The following NTRK3 variants were observed in gnomAD, a reference collection of about 807,000 sequenced individuals.
The protein encoded by NTRK3 is neurotrophic receptor tyrosine kinase 3.
A neutral mutation model predicts 91.7 loss-of-function variants in NTRK3; 24 were observed. The observed-to-expected ratio is 0.26, with a 90% CI of 0.19 to 0.37. The LOEUF is 0.37. Among genes scored for constraint, NTRK3 ranks in the 10% least tolerant of loss-of-function variants. The probability of loss-of-function intolerance (pLI) is 1.00; values close to 1 mark genes in which losing one functional copy is unlikely to be tolerated. For missense variants in NTRK3, 880 were observed against 1,068.9 expected (o/e 0.82, Z 2.46); for synonymous variants, 483 against 404.0 (o/e 1.20, Z -2.34).
intron 3 of NTRK3, among the ~76,000 whole-genome samples, chr15:88,228,553 C>T (rs10852092): frequency 0.77 from 117,774 of 152,092 alleles, 47,746 homozygotes; most frequent in East Asian, 0.96. Context: ...TTGTGACCCA[C>T]CACTCAGATC....
chr15:87,958,664 T>G (rs943969558), intron 14 of NTRK3, among the ~76,000 whole-genome samples: 1 of 151,844 alleles, frequency 6.6e-6, no homozygotes, highest in Non-Finnish European at 1.5e-5. Context: ...CAAGCAATTC[T>G]CAAATCTGTC....
At chr15:88,051,667 C>G (rs1405409488) in intron 13 of NTRK3, among the ~76,000 whole-genome samples, 1 of 152,038 alleles carries the variant, frequency 6.6e-6, no homozygotes, top group African/African-American at 2.4e-5. Context: ...AAAATACTTA[C>G]GTAAAGCCCT....
intron 14 of NTRK3, among the ~76,000 whole-genome samples, chr15:87,965,646 A>G (rs1252798240): frequency 1.3e-5 from 2 of 152,210 alleles, no homozygotes; most frequent in South Asian, 2.1e-4. Context: ...TGGAGTCAGG[A>G]TTTCCAAGGC....
At position 88,011,730 on chromosome 15, in the gene NTRK3, A is replaced by C. The variant is rs146484437; in HGVS notation, c.1585+21127T>G. ...GGGGAGACACTTCCCACCGCACATT[A>C]CTCTATGGGAAAGTTGATTTATCAG... is the stretch of plus-strand genomic sequence containing the variant. On this transcript the variant is annotated intron_variant, in intron 14 of 18. Transcript: ENST00000394480. Among the ~76,000 whole-genome samples the C allele has an allele frequency of 2.0e-5, 3 of 152,126 alleles. No individual in the cohort carries two copies. The East Asian group carries it at 5.8e-4, about 30-fold the overall frequency.
chr15:87,945,056 G>C (rs941820187), intron 14 of NTRK3, among the ~76,000 whole-genome samples: 5 of 152,210 alleles, frequency 3.3e-5, no homozygotes, highest in Non-Finnish European at 4.4e-5. Flanking sequence ...TGGGTCACAA[G>C]GCTCAGACAT....
intron 14 of NTRK3, among the ~76,000 whole-genome samples, chr15:88,020,675 C>A (rs1327195722): frequency 6.6e-6 from 1 of 152,186 alleles, no homozygotes; most frequent in Admixed American, 6.5e-5. Flanking sequence ...AGGTGGTCAC[C>A]TTTTCTTATC....
intron 18 of NTRK3, among the ~76,000 whole-genome samples, chr15:87,879,311 C>T (rs7172053): frequency 0.062 from 9,395 of 152,130 alleles, 955 homozygotes; most frequent in African/African-American, 0.21. Context: ...AAAAGAATTG[C>T]GATGTTTCAT....
At chr15:88,158,537 C>T (rs567951575) in intron 5 of NTRK3, among the ~76,000 whole-genome samples, 2 of 152,354 alleles carry the variant, frequency 1.3e-5, no homozygotes, top group South Asian at 4.1e-4. Flanking sequence ...GTCTCCGCTG[C>T]AGCACAAGGC....
At chr15:88,193,117 C>A (rs543400812) in intron 3 of NTRK3, among the ~76,000 whole-genome samples, 1 of 152,122 alleles carries the variant, frequency 6.6e-6, no homozygotes, top group Non-Finnish European at 1.5e-5. Context: ...CCATCCAGGG[C>A]GGTACTATGT....
At chr15:87,997,226 T>G (rs1257807674) in intron 14 of NTRK3, among the ~76,000 whole-genome samples, 4 of 152,182 alleles carry the variant, frequency 2.6e-5, no homozygotes. Flanking sequence ...ATACAGTGCT[T>G]CATACAATTG....
At chr15:88,167,238 G>C in intron 5 of NTRK3, among the ~76,000 whole-genome samples, 1 of 152,158 alleles carries the variant, frequency 6.6e-6, no homozygotes, top group East Asian at 1.9e-4. Flanking sequence ...GTGCTGCTGT[G>C]CATTTTCCAT....
chr15:87,877,670 GCAGCAAGACC>G (rs1276568120), intron 18 of NTRK3, among the ~76,000 whole-genome samples: 6 of 152,034 alleles, frequency 3.9e-5, no homozygotes, highest in African/African-American at 1.5e-4. Flanking sequence ...GGACCCTTTT[GCAGCAAGACC>G]CATCCTTCCC....
chr15:88,175,481 T>A (rs1019047288), intron 5 of NTRK3, among the ~76,000 whole-genome samples: 1 of 152,210 alleles, frequency 6.6e-6, no homozygotes, highest in African/African-American at 2.4e-5. Flanking sequence ...CACAGAGTTG[T>A]GAATCAATTT....
intron 14 of NTRK3, among the ~76,000 whole-genome samples, chr15:87,941,802 G>C (rs1292251500): frequency 6.6e-6 from 1 of 152,214 alleles, no homozygotes; most frequent in Non-Finnish European, 1.5e-5. Context: ...TATTTGGAAA[G>C]AATGCTACGA....
At chr15:88,031,131 A>C (rs1472567255) in intron 14 of NTRK3, among the ~76,000 whole-genome samples, 1 of 152,256 alleles carries the variant, frequency 6.6e-6, no homozygotes, top group Non-Finnish European at 1.5e-5. Flanking sequence ...AGGTGTCTTT[A>C]AACAGAAACA....
At chr15:87,912,198 T>C (rs913593870) in intron 17 of NTRK3, among the ~76,000 whole-genome samples, 2 of 152,216 alleles carry the variant, frequency 1.3e-5, no homozygotes, top group African/African-American at 4.8e-5. Flanking sequence ...TGACTAGGCT[T>C]GGGTCATCCT....
chr15:87,910,009 C>T lies in NTRK3; in HGVS notation c.2133+19182G>A, dbSNP rs2066993759. On this transcript the variant is annotated intron_variant, in intron 17 of 18. Coordinates refer to ENST00000394480, the Ensembl canonical transcript of NTRK3. Reference sequence around the variant, plus strand: ...GCCCGAACAAATGAACACAGAGGGCCTCATGCAAAGGTGGAAATAAGCAAC... The same window carrying T: ...GCCCGAACAAATGAACACAGAGGGCTTCATGCAAAGGTGGAAATAAGCAAC... Among the ~76,000 whole-genome samples the T allele has an allele frequency of 3.9e-5, 6 of 152,264 alleles. No homozygotes were observed. The South Asian group carries it at 1.2e-3, about 32-fold the overall frequency.
exon 19 of NTRK3, chr15:87,875,397 G>C (rs754935206): frequency 4.3e-6 from 1 of 231,534 alleles, no homozygotes; most frequent in Non-Finnish European, 8.5e-6. Flanking sequence ...TGTGGCAGCA[G>C]CCAGGAAGGC....
intron 5 of NTRK3, among the ~76,000 whole-genome samples, chr15:88,179,298 C>A (rs917940422): frequency 1.3e-5 from 2 of 152,276 alleles, no homozygotes; most frequent in African/African-American, 2.4e-5. Flanking sequence ...AAAAACATTG[C>A]CTCTTCTGGC....
Sources: allele counts gnomAD v4.1 joint callset (sites outside exome capture counted in the v4.1 genomes callset), GRCh38; gene constraint gnomAD v4.1.1; transcripts MANE v1.5; gene names NCBI Gene and HGNC (gene_info 2026-07-23, HGNC 2026-07-21).